The following DLG2 variants were observed in gnomAD, a reference collection of about 807,000 sequenced individuals.
DLG2 encodes discs large MAGUK scaffold protein 2, also known as disks large homolog 2.
A neutral mutation model predicts 132.5 loss-of-function variants in DLG2; 45 were observed. The observed-to-expected ratio is 0.34, with a 90% CI of 0.27 to 0.44. The LOEUF is 0.44. Ranked by LOEUF, DLG2 falls within the 20% of genes least tolerant of loss-of-function variation. The pLI, the probability that DLG2 is intolerant of heterozygous loss-of-function variation, is 1.00. For missense variants in DLG2, 1,045 were observed against 1,196.9 expected, an observed-to-expected ratio of 0.87 and a Z score of 1.87; for synonymous variants, 424 against 419.6, an observed-to-expected ratio of 1.01 and a Z score of -0.13.
chr11:84,540,519 G>T (rs1191088442), intron 6 of DLG2, among the ~76,000 whole-genome samples: 1 of 152,024 alleles, frequency 6.6e-6, no homozygotes, highest in African/African-American at 2.4e-5. Flanking sequence ...TTAGAATGGC[G>T]ATCATTAAAA....
At chr11:83,791,251 G>A in intron 17 of DLG2, 1 of 666,368 alleles carries the variant, frequency 1.5e-6, no homozygotes, top group Admixed American at 2.5e-5. Flanking sequence ...CGGTGCTGAG[G>A]AGGAGGAGAA....
intron 6 of DLG2, among the ~76,000 whole-genome samples, chr11:84,635,533 A>T (rs2099639187): frequency 6.6e-6 from 1 of 152,188 alleles, no homozygotes; most frequent in African/African-American, 2.4e-5. Flanking sequence ...TAAAAATACA[A>T]GTATAATTAT....
At chr11:85,050,640 C>T (rs1417920497) in intron 6 of DLG2, among the ~76,000 whole-genome samples, 4 of 152,076 alleles carry the variant, frequency 2.6e-5, no homozygotes, top group Admixed American at 2.0e-4. Flanking sequence ...CTGAGCCCTC[C>T]TCTCAGAGAA....
intron 6 of DLG2, among the ~76,000 whole-genome samples, chr11:85,087,236 G>T (rs924204585): frequency 1.3e-5 from 2 of 152,174 alleles, no homozygotes; most frequent in Admixed American, 6.5e-5. Context: ...ATTACAAATT[G>T]TGATAAGGGT....
At chr11:84,040,012 T>C (rs1474989126) in intron 11 of DLG2, among the ~76,000 whole-genome samples, 1 of 151,450 alleles carries the variant, frequency 6.6e-6, no homozygotes, top group Admixed American at 6.6e-5. Context: ...GCTGCATAAA[T>C]GTCTTCTTTT....
At chr11:83,477,742 G>GT (rs35958666) in intron 22 of DLG2, among the ~76,000 whole-genome samples, 54,061 of 150,878 alleles carry the variant, frequency 0.36, 9,753 homozygotes, top group Middle Eastern at 0.45. Context: ...GAAAAGAGGG[G>GT]TTTTTTTTTG....
intron 6 of DLG2, among the ~76,000 whole-genome samples, chr11:84,582,488 A>G (rs1256205920): frequency 6.7e-6 from 1 of 148,704 alleles, no homozygotes; most frequent in African/African-American, 2.4e-5. Flanking sequence ...TATATAATAA[A>G]CATACATACA....
In DLG2 at chr11:84,415,197, A is replaced by G. The variant is rs548721978; in HGVS notation, c.519+119373T>C. Among the ~76,000 whole-genome samples, 16 of 152,306 alleles carry G rather than the reference A, an allele frequency of 1.1e-4. No homozygotes were observed. The South Asian group carries it at 2.7e-3, about 26-fold the overall frequency. On this transcript the variant is annotated intron_variant, in intron 7 of 27. Transcript: ENST00000376104. ...TATCAGAACTTGTTCTGGAAATGTG[A>G]TTCTTATTAGTAAGAACAGATGACC...
At chr11:83,842,168 C>A (rs1285463035) in intron 16 of DLG2, among the ~76,000 whole-genome samples, 1 of 152,162 alleles carries the variant, frequency 6.6e-6, no homozygotes. Flanking sequence ...TGTGACAGAT[C>A]ATCAGCAGCA....
chr11:84,112,234 G>A (rs1021103242), intron 9 of DLG2, among the ~76,000 whole-genome samples: 1 of 151,104 alleles, frequency 6.6e-6, no homozygotes, highest in Non-Finnish European at 1.5e-5. Flanking sequence ...TCCTTACCCC[G>A]TGATCCACCC....
intron 6 of DLG2, among the ~76,000 whole-genome samples, chr11:84,724,937 C>A (rs1248556027): frequency 6.6e-6 from 1 of 152,024 alleles, no homozygotes; most frequent in African/African-American, 2.4e-5. Context: ...TGATCAATGG[C>A]TGAATATGCA....
chr11:83,757,388 A>T (rs565521336), intron 18 of DLG2, among the ~76,000 whole-genome samples: 49 of 152,338 alleles, frequency 3.2e-4, no homozygotes, highest in African/African-American at 1.1e-3. Flanking sequence ...AAACTTTTCA[A>T]AGCTAGAAAG....
intron 6 of DLG2, among the ~76,000 whole-genome samples, chr11:84,606,293 AT>A (rs1442508069): frequency 2.0e-5 from 3 of 152,138 alleles, no homozygotes; most frequent in African/African-American, 4.8e-5. Flanking sequence ...TATTCATGGA[AT>A]TTTATGCGTA....
chr11:85,077,955 GCTAA>G (rs35704615), intron 6 of DLG2, among the ~76,000 whole-genome samples: 57,586 of 151,216 alleles, frequency 0.38, 11,115 homozygotes, highest in South Asian at 0.57. Context: ...AGCTGTAAAT[GCTAA>G]CTAACATGTT....
intron 6 of DLG2, among the ~76,000 whole-genome samples, chr11:84,733,549 A>G (rs2153814525): frequency 6.6e-6 from 1 of 152,320 alleles, no homozygotes; most frequent in South Asian, 2.1e-4. Context: ...CCCTGGTCAG[A>G]TGAGTAGATT....
chr11:85,018,912 C>G (rs183827029), intron 6 of DLG2, among the ~76,000 whole-genome samples: 1 of 151,706 alleles, frequency 6.6e-6, no homozygotes, highest in Non-Finnish European at 1.5e-5. Context: ...GAAAACAAAT[C>G]TTAAGACTAT....
chr11:84,343,688 G>A (rs2154407285), intron 7 of DLG2, among the ~76,000 whole-genome samples: 1 of 152,176 alleles, frequency 6.6e-6, no homozygotes, highest in East Asian at 1.9e-4. Context: ...TAATTTCCAG[G>A]GCGATTGGTA....
chr11:84,436,539 G>A (rs1365830472), intron 7 of DLG2, among the ~76,000 whole-genome samples: 1 of 152,126 alleles, frequency 6.6e-6, no homozygotes, highest in African/African-American at 2.4e-5. Context: ...ACAAGATTTT[G>A]TTACCTTTGG....
At chr11:83,899,651 G>A (rs569616529) in intron 15 of DLG2, among the ~76,000 whole-genome samples, 54 of 150,250 alleles carry the variant, frequency 3.6e-4, no homozygotes, top group African/African-American at 1.2e-3. Flanking sequence ...CATGTGAGAC[G>A]TGCCTTTCAC....
Sources: gnomAD v4.1 joint callset for allele counts (sites outside exome capture counted in the v4.1 genomes callset) on GRCh38, gnomAD v4.1.1 for gene constraint, MANE v1.5 for transcripts, NCBI Gene and HGNC (gene_info 2026-07-23, HGNC 2026-07-21) for gene names.